Variants in WDR17 observed in about 807,000 individuals in gnomAD.
WDR17 encodes the protein WD repeat domain 17, also known as WD repeat-containing protein 17.
In WDR17, 143 loss-of-function variants were observed where a neutral mutation model predicts 161.7. The ratio of observed to expected loss-of-function variants is 0.88; its 90% confidence interval spans 0.77 to 1.02. The LOEUF (loss-of-function observed/expected upper bound fraction) is 1.02, where lower values mean the gene tolerates loss of function less well. WDR17 is among the 50% of genes least tolerant of loss of function. The pLI is 0.00. For synonymous variants in WDR17, 517 were observed against 515.6 expected, an observed-to-expected ratio of 1.00 and a Z score of -0.04; for missense variants, 1,469 against 1,520.9, an observed-to-expected ratio of 0.97 and a Z score of 0.57.
chr4:176,093,391 G>GA lies in WDR17; in HGVS notation c.-6-18177dup, dbSNP rs1177094048. Among the ~76,000 whole-genome samples the GA allele has an allele frequency of 3.9e-5, 6 of 152,074 alleles. No homozygotes were observed. The East Asian group carries it at 7.8e-4, about 20-fold the overall frequency. ...CCAGAGTAGCCAAAAGTCATCTTGTGAAAAAAATGGAGAAATCACAGAGTA... is the reference window on the plus strand; with the variant it reads ...CCAGAGTAGCCAAAAGTCATCTTGTGAAAAAAAATGGAGAAATCACAGAGTA... On this transcript the variant is annotated intron_variant, in intron 1 of 28. Coordinates refer to ENST00000508596, the MANE Select transcript of WDR17 (RefSeq NM_181265.4).
At chr4:176,138,137 A>T (rs1294445080) in intron 9 of WDR17, among the ~76,000 whole-genome samples, 1 of 151,648 alleles carries the variant, frequency 6.6e-6, no homozygotes, top group Admixed American at 6.6e-5. Flanking sequence ...TTGTCATCCC[A>T]TATTTTACTG....
intron 1 of WDR17, among the ~76,000 whole-genome samples, chr4:176,090,734 G>A (rs906149876): frequency 4.6e-5 from 7 of 152,078 alleles, no homozygotes; most frequent in Non-Finnish European, 8.8e-5. Context: ...TGGGAAATTA[G>A]GAGTCTCACA....
chr4:176,091,988 A>G (rs939883045), intron 1 of WDR17, among the ~76,000 whole-genome samples: 12 of 152,246 alleles, frequency 7.9e-5, no homozygotes, highest in African/African-American at 2.6e-4. Flanking sequence ...TCAGGGCACA[A>G]TGGCTTTACT....
rs764683916 is a variant in WDR17, at chr4:176,177,527, C to T, written c.3605C>T (p.Ala1202Val). The T allele has an allele frequency of 4.0e-5, 63 of 1,593,164 alleles. No individual in the cohort carries two copies. The highest frequency in any genetic ancestry group is 5.2e-5 in the Non-Finnish European group (61 of 1,174,500). The stretch of plus-strand genomic sequence containing the variant: ...TCTGATTCACAAAGAATGATTTATG[C>T]AACTTTATTAAAGAGACTAAAAGAA... ...PPSDSQRMIY[A>V]TLLKRLKEES... Residue 1202 changes from alanine (A) to valine (V), a missense_variant, in exon 28 of 29, where the codon GCA becomes GTA. Transcript: ENST00000508596.
chr4:176,066,806 C>T (rs866835535), intron 1 of WDR17, among the ~76,000 whole-genome samples: 3 of 151,920 alleles, frequency 2.0e-5, no homozygotes, highest in African/African-American at 7.3e-5. Context: ...AAGAGAGATA[C>T]TACATTTCTG....
rs1451318524 is a variant in WDR17, at chr4:176,156,091, C to T, written c.2473C>T (p.Leu825=). The stretch of plus-strand genomic sequence containing the variant: ...CCTTCTATTGTAGTGGGACAAAGCC[C>T]TGTCAATTGCACCAGGAGTCTCTGT... ...MVELGEWDKA[L]SIAPGVSVKY... Residue 825 remains leucine, a synonymous_variant, in exon 18 of 29, where the codon CTG becomes TTG. Transcript: ENST00000508596. 6.2e-7 allele frequency: 1 copy of T among 1,613,608 alleles called. No individual in the cohort carries two copies. Among genetic ancestry groups the T allele is most frequent in the South Asian group, 1.1e-5 (1 of 91,034 alleles).
intron 8 of WDR17, among the ~76,000 whole-genome samples, chr4:176,137,201 A>G (rs1477618147): frequency 6.6e-6 from 1 of 151,544 alleles, no homozygotes; most frequent in African/African-American, 2.4e-5. Context: ...TCAATAAAGA[A>G]GTCCCTGTCT....
chr4:176,075,575 TA>T (rs1733853322), intron 1 of WDR17, among the ~76,000 whole-genome samples: 1 of 152,206 alleles, frequency 6.6e-6, no homozygotes. Flanking sequence ...GATTCATTTT[TA>T]AAAAGACTGT....
chr4:176,148,428 A>T (rs1746546004), intron 13 of WDR17, 93 bp downstream of exon 13: 1 of 1,108,302 alleles, frequency 9.0e-7, no homozygotes, highest in Non-Finnish European at 1.3e-6. Flanking sequence ...TGAAGAAGTT[A>T]TACAGTGTTT....
Position 176,151,857 on chromosome 4 carries a change from G to A in WDR17, c.2350G>A (p.Gly784Ser). Residue 784 changes from glycine to serine, a missense_variant, in exon 17 of 29, where the codon GGT becomes AGT. Coordinates refer to ENST00000508596, the MANE Select transcript of WDR17 (RefSeq NM_181265.4). ...LTTVKMSKFGGGIGVPAKEER... is the reference protein window; with the variant it reads ...LTTVKMSKFGSGIGVPAKEER... ...AACAGTCAAGATGTCTAAATTTGGTGGTGGTATTGGTGTACCTGCTAAAGA... is the reference window on the plus strand; with the variant it reads ...AACAGTCAAGATGTCTAAATTTGGTAGTGGTATTGGTGTACCTGCTAAAGA... 2 of 1,608,792 alleles carry A rather than the reference G, an allele frequency of 1.2e-6. No individual in the cohort carries two copies. The highest frequency in any genetic ancestry group is 1.7e-6 in the Non-Finnish European group (2 of 1,178,310).
chr4:176,066,832 C>T (rs1732590429), intron 1 of WDR17, among the ~76,000 whole-genome samples: 1 of 151,388 alleles, frequency 6.6e-6, no homozygotes, highest in African/African-American at 2.4e-5. Context: ...TTCATAAATA[C>T]CCTTTAGAGA....
chr4:176,125,076 G>A (rs1165028479), intron 4 of WDR17, 28 bp from the exon 5 acceptor site: 5 of 1,603,792 alleles, frequency 3.1e-6, no homozygotes, highest in Non-Finnish European at 4.3e-6. Flanking sequence ...CAAGTTTTTT[G>A]GAAATAATTA....
chr4:176,105,905 A>G (rs533889091), intron 1 of WDR17, among the ~76,000 whole-genome samples: 2 of 152,206 alleles, frequency 1.3e-5, no homozygotes, highest in Non-Finnish European at 2.9e-5. Flanking sequence ...AGAGAAAAAG[A>G]TCAACGAAAT....
intron 8 of WDR17, among the ~76,000 whole-genome samples, chr4:176,135,908 A>G (rs1744318842): frequency 6.6e-6 from 1 of 151,660 alleles, no homozygotes; most frequent in South Asian, 2.1e-4. Flanking sequence ...CTTAATAGTA[A>G]TATATTAATT....
chr4:176,150,640 T>A, intron 16 of WDR17, 47 bp downstream of exon 16: 1 of 1,530,276 alleles, frequency 6.5e-7, no homozygotes, highest in Non-Finnish European at 8.8e-7. Context: ...ATTTTTTGCC[T>A]TTTCACTATT....
At chr4:176,119,025 C>T (rs73018061) in intron 3 of WDR17, among the ~76,000 whole-genome samples, 2,468 of 152,018 alleles carry the variant, frequency 0.016, 77 homozygotes, top group African/African-American at 0.057. Flanking sequence ...TCCACATGAT[C>T]TGATATGTTA....
At chr4:176,073,636 G>A (rs888643502) in intron 1 of WDR17, among the ~76,000 whole-genome samples, 5 of 149,202 alleles carry the variant, frequency 3.4e-5, no homozygotes, top group Admixed American at 1.3e-4. Context: ...GGGATGGCTG[G>A]GTCAAATGGT....
chr4:176,130,499 C>T (rs1406968521), intron 6 of WDR17, among the ~76,000 whole-genome samples: 1 of 152,008 alleles, frequency 6.6e-6, no homozygotes, highest in Non-Finnish European at 1.5e-5. Flanking sequence ...AATCCCAGCA[C>T]TTCGGGAGGC....
intron 25 of WDR17, 142 bp downstream of exon 25, chr4:176,173,511 TTA>T (rs1214463214): frequency 3.6e-6 from 2 of 555,936 alleles, no homozygotes; most frequent in African/African-American, 4.0e-5. Flanking sequence ...TTTTTGTTTG[TTA>T]TATATTTTTT....
Sources: allele counts gnomAD v4.1 joint callset (sites outside exome capture counted in the v4.1 genomes callset), GRCh38; gene constraint gnomAD v4.1.1; transcripts MANE v1.5; gene names NCBI Gene and HGNC (gene_info 2026-07-23, HGNC 2026-07-21).